ZNF420: variants seen among roughly 807,000 people sequenced by gnomAD.
ZNF420 encodes the protein zinc finger protein 420.
Under a neutral mutation model 44.7 loss-of-function variants are expected in ZNF420, and 31 were observed. The ratio of observed to expected loss-of-function variants is 0.69; its 90% CI spans 0.52 to 0.94. The LOEUF (loss-of-function observed/expected upper bound fraction) is 0.94. Ranked by LOEUF, ZNF420 falls within the 40% of genes least tolerant of loss-of-function variation. ZNF420 has a pLI of 0.00. For missense variants in ZNF420, 681 were observed against 827.9 expected (o/e 0.82, Z 2.18); for synonymous variants, 245 against 267.4 (o/e 0.92, Z 0.82).
At chr19:37,100,956 T>C (rs1177213056) in intron 4 of ZNF420, among the ~76,000 whole-genome samples, 2 of 152,016 alleles carry the variant, frequency 1.3e-5, no homozygotes, top group African/African-American at 2.4e-5. Context: ...TTTATAGTTC[T>C]CATTGTAAAA....
chr19:37,111,851 G>T (rs546698990), intron 4 of ZNF420: 2 of 152,292 alleles, frequency 1.3e-5, no homozygotes, highest in African/African-American at 4.8e-5. Context: ...TTAAAGGCCA[G>T]TCTTTTGGGA....
At chr19:37,123,850 C>T (rs192552907) in intron 4 of ZNF420, among the ~76,000 whole-genome samples, 170 of 152,002 alleles carry the variant, frequency 1.1e-3, no homozygotes, top group African/African-American at 3.5e-3. Flanking sequence ...CCTCGTAATC[C>T]GCCCGCCTCA....
chr19:37,063,447 T>C (rs929343420), intron 1 of ZNF420, among the ~76,000 whole-genome samples: 1 of 152,148 alleles, frequency 6.6e-6, no homozygotes, highest in Non-Finnish European at 1.5e-5. Context: ...CAAAACATGT[T>C]TTTCCTTGAA....
intron 2 of ZNF420, among the ~76,000 whole-genome samples, chr19:37,086,078 T>C (rs1374814703): frequency 6.6e-6 from 1 of 151,896 alleles, no homozygotes; most frequent in Non-Finnish European, 1.5e-5. Flanking sequence ...CTGGGGTTGC[T>C]TACAGGCATG....
chr19:37,073,563 AC>A (rs1265584370), upstream of ZNF420, among the ~76,000 whole-genome samples: 2 of 151,904 alleles, frequency 1.3e-5, no homozygotes, highest in Non-Finnish European at 2.9e-5. Flanking sequence ...ACATGGTGAA[AC>A]CCTGTCTCTA....
chr19:37,122,165 T>C (rs1463125459), intron 4 of ZNF420, among the ~76,000 whole-genome samples: 1 of 152,146 alleles, frequency 6.6e-6, no homozygotes, highest in Non-Finnish European at 1.5e-5. Context: ...CATGCACACG[T>C]ATGTTTATTG....
rs141721846 is a variant in ZNF420 at position 37,016,731 on chromosome 19, G to A, written c.-125+8649G>A. Among the ~76,000 whole-genome samples the A allele has an allele frequency of 2.2e-3, 337 of 152,302 alleles. 3 individuals are homozygous for A. Among genetic ancestry groups the A allele is most frequent in the Non-Finnish European group, 4.1e-3 (276 of 68,022 alleles). ...AGCAGGAGCTTCTGGCAGCCAGACA[G>A]GCATGTTTGCTGAGGCACTAGTTTG... On this transcript the variant is annotated intron_variant, in intron 1 of 4. Transcript: ENST00000587029.
intron 1 of ZNF420, among the ~76,000 whole-genome samples, chr19:37,059,577 G>C (rs1599624783): frequency 6.6e-6 from 1 of 152,140 alleles, no homozygotes; most frequent in African/African-American, 2.4e-5. Flanking sequence ...GCGGAGTCTG[G>C]GGGAAGCGGC....
At chr19:37,050,216 T>C (rs1183432001) in intron 1 of ZNF420, among the ~76,000 whole-genome samples, 1 of 152,150 alleles carries the variant, frequency 6.6e-6, no homozygotes, top group Non-Finnish European at 1.5e-5. Context: ...TTTGGTTCCA[T>C]ATGAACTTTA....
intron 1 of ZNF420, among the ~76,000 whole-genome samples, chr19:37,014,237 C>CT (rs2074593022): frequency 6.6e-6 from 1 of 152,106 alleles, no homozygotes; most frequent in Admixed American, 6.5e-5. Context: ...ATTCCCTGAG[C>CT]TTTGAGACCA....
At chr19:37,069,759 AGACT>A (rs1339278006) in intron 1 of ZNF420, among the ~76,000 whole-genome samples, 2 of 152,108 alleles carry the variant, frequency 1.3e-5, no homozygotes, top group African/African-American at 2.4e-5. Context: ...TGTAAGTTGG[AGACT>A]GACTGTATAT....
chr19:37,073,751 G>GAAAAAAAAAA (rs71177422), upstream of ZNF420, among the ~76,000 whole-genome samples: 7 of 99,948 alleles, frequency 7.0e-5, no homozygotes, highest in Admixed American at 1.1e-4. Context: ...CCTGAAAAAA[G>GAAAAAAAAAA]AAAAAAAAAA....
chr19:37,114,429 A>G (rs1363272177), intron 4 of ZNF420, among the ~76,000 whole-genome samples: 3 of 148,054 alleles, frequency 2.0e-5, no homozygotes, highest in South Asian at 2.1e-4. Flanking sequence ...CAGAGACTCT[A>G]TCTTTCCCTA....
chr19:37,019,160 C>T (rs1332535932), intron 1 of ZNF420, among the ~76,000 whole-genome samples: 4 of 151,960 alleles, frequency 2.6e-5, no homozygotes, highest in African/African-American at 7.2e-5. Context: ...CTGTAAAATC[C>T]AACAATTAAA....
rs1414430478 is a variant in ZNF420, at chr19:37,127,294, A to T, written c.303A>T (p.Glu101Asp). 6.2e-7 allele frequency: 1 copy of T among 1,613,556 alleles called. No individual in the cohort carries two copies. The highest frequency in any genetic ancestry group is 8.5e-7 in the Non-Finnish European group (1 of 1,179,728). ...EAKGKMEKQQ[E>D]NQKEYFRQGM... ...AAGGCAAGATGGAGAAGCAACAAGA[A>T]AATCAGAAGGAATATTTCAGGCAAG... Residue 101 changes from glutamate (E) to aspartate (D), a missense_variant, in exon 5 of 5, where the codon GAA becomes GAT. Coordinates refer to ENST00000337995, the MANE Select transcript of ZNF420 (RefSeq NM_144689.5).
chr19:37,026,965 G>A (rs2146391860), intron 1 of ZNF420, among the ~76,000 whole-genome samples: 1 of 152,292 alleles, frequency 6.6e-6, no homozygotes, highest in African/African-American at 2.4e-5. Flanking sequence ...TACGATCTCT[G>A]AAATTGGCTC....
chr19:37,087,977 AT>A (rs1287863133), intron 2 of ZNF420, among the ~76,000 whole-genome samples: 4 of 152,096 alleles, frequency 2.6e-5, no homozygotes, highest in African/African-American at 9.7e-5. Flanking sequence ...GAGGTCTCGG[AT>A]CTAGGTTAGA....
At chr19:37,103,577 AGAG>A (rs1216003410) in intron 4 of ZNF420, among the ~76,000 whole-genome samples, 1 of 152,254 alleles carries the variant, frequency 6.6e-6, no homozygotes, top group Non-Finnish European at 1.5e-5. Flanking sequence ...AGCTAGCAGA[AGAG>A]AAGAGAGATT....
intron 1 of ZNF420, among the ~76,000 whole-genome samples, chr19:37,010,381 G>C (rs1003240124): frequency 2.6e-5 from 4 of 152,224 alleles, no homozygotes; most frequent in South Asian, 2.1e-4. Flanking sequence ...TGATCTCGAC[G>C]ACATGTCTGC....
Sources: gnomAD v4.1 joint callset for allele counts (sites outside exome capture counted in the v4.1 genomes callset) on GRCh38, gnomAD v4.1.1 for gene constraint, MANE v1.5 for transcripts, NCBI Gene and HGNC (gene_info 2026-07-23, HGNC 2026-07-21) for gene names.